The following DNAH12 variants were observed in gnomAD, a reference collection of about 807,000 sequenced individuals.
DNAH12 encodes axonemal beta dynein heavy chain 12.
DNAH12 carries 285 observed loss-of-function variants against 371.5 expected under a neutral mutation model. That is an observed-to-expected ratio of 0.77 (90% CI 0.70 to 0.85). DNAH12 has a LOEUF of 0.85. Among genes scored for constraint, DNAH12 ranks in the 40% least tolerant of loss-of-function variants. The probability of loss-of-function intolerance (pLI) is 0.00; values close to 1 mark genes in which losing one functional copy is unlikely to be tolerated. For synonymous variants in DNAH12, 1,200 were observed against 1,213.0 expected (o/e 0.99, Z 0.22); for missense variants, 3,611 against 3,689.4 (o/e 0.98, Z 0.55).
At chr3:57,533,895 T>C (rs1026845599) in intron 2 of DNAH12, among the ~76,000 whole-genome samples, 1 of 152,192 alleles carries the variant, frequency 6.6e-6, no homozygotes, top group Non-Finnish European at 1.5e-5. Context: ...GCCCCTGCAG[T>C]CCACTGGATC....
At chr3:57,491,883 G>A (rs998415231) in intron 11 of DNAH12, among the ~76,000 whole-genome samples, 7 of 152,022 alleles carry the variant, frequency 4.6e-5, no homozygotes, top group Non-Finnish European at 8.8e-5. Context: ...GCGTGTGCCT[G>A]TAGTCTCAGC....
chr3:57,344,945 G>A (rs1297599752), intron 60 of DNAH12, among the ~76,000 whole-genome samples: 2 of 151,944 alleles, frequency 1.3e-5, no homozygotes, highest in Non-Finnish European at 2.9e-5. Flanking sequence ...GACCCCCCAT[G>A]TGGTCAAAAT....
intron 69 of DNAH12, among the ~76,000 whole-genome samples, chr3:57,307,312 TC>T (rs1339933476): frequency 1.6e-3 from 245 of 152,184 alleles, no homozygotes; most frequent in African/African-American, 5.8e-3. Flanking sequence ...CTAAATCCTT[TC>T]CCCACTCCTC....
chr3:57,511,291 G>A (rs550463246), intron 4 of DNAH12, among the ~76,000 whole-genome samples: 27 of 151,850 alleles, frequency 1.8e-4, no homozygotes, highest in African/African-American at 6.0e-4. Flanking sequence ...TATATCCACC[G>A]ATTCAACAAA....
At chr3:57,448,295 C>G (rs1489970642) in intron 25 of DNAH12, among the ~76,000 whole-genome samples, 1 of 152,078 alleles carries the variant, frequency 6.6e-6, no homozygotes, top group African/African-American at 2.4e-5. Flanking sequence ...AGGAGTGAAG[C>G]TGCAGACCTT....
At chr3:57,356,635 C>T (rs2062808105) in intron 59 of DNAH12, among the ~76,000 whole-genome samples, 1 of 151,920 alleles carries the variant, frequency 6.6e-6, no homozygotes, top group Admixed American at 6.6e-5. Flanking sequence ...TAAAGTTAAT[C>T]CTTCCATGCC....
intron 55 of DNAH12, among the ~76,000 whole-genome samples, chr3:57,371,313 T>C (rs1048311257): frequency 6.6e-6 from 1 of 152,128 alleles, no homozygotes; most frequent in Non-Finnish European, 1.5e-5. Context: ...TTTAATGAAA[T>C]GTCTTCTTTT....
At chr3:57,295,665 A>G in intron 72 of DNAH12, 73 bp from the exon 73 acceptor site, 1 of 1,330,118 alleles carries the variant, frequency 7.5e-7, no homozygotes, top group Non-Finnish European at 1.0e-6. Context: ...TGCTACTTAG[A>G]TATTGGCTTT....
At chr3:57,541,802 G>A (rs887261617) in intron 2 of DNAH12, among the ~76,000 whole-genome samples, 3 of 151,936 alleles carry the variant, frequency 2.0e-5, no homozygotes, top group Non-Finnish European at 4.4e-5. Context: ...GAAGGTATAT[G>A]ATTAATAGAC....
At chr3:57,406,449 T>C (rs575110127) in intron 40 of DNAH12, among the ~76,000 whole-genome samples, 1 of 152,212 alleles carries the variant, frequency 6.6e-6, no homozygotes, top group South Asian at 2.1e-4. Flanking sequence ...TTTTGGCTTA[T>C]AGCACTCAAC....
At chr3:57,438,876 C>T (rs2065214697) in intron 29 of DNAH12, among the ~76,000 whole-genome samples, 1 of 128,352 alleles carries the variant, frequency 7.8e-6, no homozygotes, top group Non-Finnish European at 1.6e-5. Flanking sequence ...GATTGTGCCA[C>T]TGCACTCCAG....
chr3:57,366,507 T>C (rs1233086219), intron 57 of DNAH12, among the ~76,000 whole-genome samples: 3 of 152,122 alleles, frequency 2.0e-5, no homozygotes, highest in Non-Finnish European at 2.9e-5. Context: ...CCTGTAACAA[T>C]GGCAGGTAAC....
intron 39 of DNAH12, among the ~76,000 whole-genome samples, chr3:57,409,435 G>C (rs368636530): frequency 6.6e-6 from 1 of 152,046 alleles, no homozygotes; most frequent in African/African-American, 2.4e-5. Flanking sequence ...TAAAACGAAT[G>C]AGTAGACAAA....
chr3:57,514,881 CAA>C (rs1384558033), intron 4 of DNAH12, among the ~76,000 whole-genome samples: 1 of 152,030 alleles, frequency 6.6e-6, no homozygotes, highest in East Asian at 1.9e-4. Flanking sequence ...ATGCTAAGTA[CAA>C]AAGACTATAG....
intron 2 of DNAH12, among the ~76,000 whole-genome samples, chr3:57,534,886 G>GA (rs2153401407): frequency 6.6e-6 from 1 of 152,174 alleles, no homozygotes; most frequent in Non-Finnish European, 1.5e-5. Context: ...AAGCTATACA[G>GA]AAAAAAGTCA....
At chr3:57,372,364 C>A (rs990120060) in intron 55 of DNAH12, among the ~76,000 whole-genome samples, 256 of 152,028 alleles carry the variant, frequency 1.7e-3, no homozygotes, top group African/African-American at 5.8e-3. Flanking sequence ...GGACATTCTT[C>A]AGGCAGAAGA....
intron 55 of DNAH12, among the ~76,000 whole-genome samples, chr3:57,369,640 C>T (rs2063128616): frequency 1.3e-5 from 2 of 152,052 alleles, no homozygotes; most frequent in Non-Finnish European, 2.9e-5. Flanking sequence ...ACTTTTCCTA[C>T]CACAGCAAGA....
Position 57,445,345 on chromosome 3 carries a change from T to C in DNAH12, c.4254A>G (p.Gly1418=). The change falls in exon 28 of 74, where the codon GGA becomes GGG. Residue 1418 remains glycine, a synonymous_variant. Transcript: ENST00000495027. ...CAGACAGAGGTCTTGCATTCAAAAATCCGTAAGAGTAGAGGGAGATTTCTG... is the reference window on the plus strand; with the variant it reads ...CAGACAGAGGTCTTGCATTCAAAAACCCGTAAGAGTAGAGGGAGATTTCTG... ...LIAEISLYSY[G]FLNARPLSVK... 6.4e-7 allele frequency: 1 copy of C among 1,551,650 alleles called. No homozygotes were observed. Among genetic ancestry groups the C allele is most frequent in the Non-Finnish European group, 8.7e-7 (1 of 1,146,964 alleles).
chr3:57,352,143 A>T lies in DNAH12; in HGVS notation c.9616T>A (p.Ser3206Thr). Residue 3206 changes from serine (S) to threonine (T), a missense_variant, in exon 60 of 74, where the codon TCA becomes ACA. Ser to Thr is a moderately conservative substitution (Grantham distance 58). Transcript: ENST00000495027. ...AACAGCTTGTCCTTCTCAAATAGTGATCGGCATATATTACAATATAAGTTG... is the reference window on the plus strand; with the variant it reads ...AACAGCTTGTCCTTCTCAAATAGTGTTCGGCATATATTACAATATAAGTTG... The part of the protein sequence containing the change: ...TYNLYCNICR[S>T]LFEKDKLLFS... 6.5e-7 allele frequency: 1 copy of T among 1,542,620 alleles called. No homozygotes were observed. The highest frequency in any genetic ancestry group is 8.7e-7 in the Non-Finnish European group (1 of 1,144,702).
Sources: allele counts gnomAD v4.1 joint callset (sites outside exome capture counted in the v4.1 genomes callset), GRCh38; gene constraint gnomAD v4.1.1; transcripts MANE v1.5; gene names NCBI Gene and HGNC (gene_info 2026-07-23, HGNC 2026-07-21).